Variants in CTNNA2 observed in about 807,000 individuals in gnomAD.
CTNNA2 encodes catenin alpha-2.
In CTNNA2, 42 loss-of-function variants were observed where a neutral mutation model predicts 101.0. The ratio of observed to expected loss-of-function variants is 0.42; its 90% CI spans 0.32 to 0.54. The LOEUF (loss-of-function observed/expected upper bound fraction) is 0.54. Among genes scored for constraint, CTNNA2 ranks in the 20% least tolerant of loss-of-function variants. The pLI, the probability that CTNNA2 is intolerant of heterozygous loss-of-function variation, is 0.14. For missense variants in CTNNA2, 871 were observed against 1,223.1 expected (o/e 0.71, Z 4.29); for synonymous variants, 450 against 456.4 (o/e 0.99, Z 0.18).
At chr2:79,778,688 C>T (rs1467567607) in intron 3 of CTNNA2, among the ~76,000 whole-genome samples, 1 of 152,104 alleles carries the variant, frequency 6.6e-6, no homozygotes, top group Non-Finnish European at 1.5e-5. Context: ...TAATTGCATC[C>T]ATGTTAATAT....
intron 2 of CTNNA2, among the ~76,000 whole-genome samples, chr2:79,281,088 G>GCA (rs1461752513): frequency 2.0e-5 from 3 of 151,918 alleles, no homozygotes; most frequent in Admixed American, 1.3e-4. Flanking sequence ...AGCATCATTA[G>GCA]CACACACATC....
chr2:79,665,827 T>TTAGTTAGTTA (rs1682378971), intron 2 of CTNNA2, among the ~76,000 whole-genome samples: 1 of 152,192 alleles, frequency 6.6e-6, no homozygotes, highest in Non-Finnish European at 1.5e-5. Flanking sequence ...TCCTGGAACA[T>TTAGTTAGTTA]GTTAGTTAAA....
chr2:80,526,860 A>G (rs1216846695), intron 9 of CTNNA2, among the ~76,000 whole-genome samples: 3 of 152,200 alleles, frequency 2.0e-5, no homozygotes, highest in Non-Finnish European at 4.4e-5. Flanking sequence ...GGTATCCAGG[A>G]TTTCCTTGAA....
chr2:80,186,890 C>T (rs930542450), intron 7 of CTNNA2, among the ~76,000 whole-genome samples: 1 of 152,202 alleles, frequency 6.6e-6, no homozygotes, highest in African/African-American at 2.4e-5. Flanking sequence ...AATCAACTCA[C>T]CAGAAATCTG....
At chr2:80,153,513 G>A (rs1442980334) in intron 7 of CTNNA2, among the ~76,000 whole-genome samples, 1 of 152,126 alleles carries the variant, frequency 6.6e-6, no homozygotes, top group Non-Finnish European at 1.5e-5. Flanking sequence ...GGAAGGATCT[G>A]GCTTTTCCTG....
At chr2:79,970,743 G>T (rs1690419039) in intron 7 of CTNNA2, among the ~76,000 whole-genome samples, 1 of 152,082 alleles carries the variant, frequency 6.6e-6, no homozygotes, top group African/African-American at 2.4e-5. Context: ...TTACTGTGAG[G>T]AAAGCAATTT....
intron 13 of CTNNA2, among the ~76,000 whole-genome samples, chr2:80,574,887 A>C (rs891594477): frequency 6.6e-6 from 1 of 152,142 alleles, no homozygotes; most frequent in Non-Finnish European, 1.5e-5. Context: ...ATGTTGTCTA[A>C]ATAATTAATA....
At chr2:79,982,552 T>G (rs72813747) in intron 7 of CTNNA2, among the ~76,000 whole-genome samples, 1 of 145,852 alleles carries the variant, frequency 6.9e-6, no homozygotes, top group Non-Finnish European at 1.5e-5. Context: ...GGTCTCTCCA[T>G]GTTGCCCAGT....
intron 7 of CTNNA2, among the ~76,000 whole-genome samples, chr2:79,938,632 A>G (rs561082989): frequency 2.0e-5 from 3 of 152,354 alleles, no homozygotes; most frequent in Admixed American, 1.3e-4. Context: ...CACTTTTTGC[A>G]TAAAGACAAA....
At chr2:79,683,809 C>T (rs753965744) in intron 2 of CTNNA2, among the ~76,000 whole-genome samples, 11 of 152,194 alleles carry the variant, frequency 7.2e-5, no homozygotes, top group Non-Finnish European at 1.6e-4. Flanking sequence ...GCAAAGGCAA[C>T]CAAGTCTATG....
chr2:79,382,905 C>T (rs1294339471), intron 4 of CTNNA2, among the ~76,000 whole-genome samples: 10 of 152,306 alleles, frequency 6.6e-5, no homozygotes, highest in South Asian at 2.1e-4. Context: ...TGAGCCACCA[C>T]GCCCAGCCAT....
At chr2:79,303,666 G>A (rs1676166572) in intron 2 of CTNNA2, among the ~76,000 whole-genome samples, 1 of 151,992 alleles carries the variant, frequency 6.6e-6, no homozygotes, top group South Asian at 2.1e-4. Flanking sequence ...GATGAGGAAA[G>A]GGTTAGGTTC....
intron 7 of CTNNA2, among the ~76,000 whole-genome samples, chr2:79,914,040 G>A (rs956867397): frequency 2.0e-5 from 3 of 150,434 alleles, no homozygotes; most frequent in African/African-American, 2.4e-5. Context: ...AGTGGCGGGC[G>A]CCTGTGGTCC....
chr2:80,638,330 G>T (rs1012650454), intron 18 of CTNNA2, among the ~76,000 whole-genome samples: 1 of 152,154 alleles, frequency 6.6e-6, no homozygotes, highest in Non-Finnish European at 1.5e-5. Context: ...ATTATGGGGG[G>T]GGTGCCTGAA....
chr2:80,446,319 A>C (rs1315040765), intron 9 of CTNNA2, among the ~76,000 whole-genome samples: 1 of 152,212 alleles, frequency 6.6e-6, no homozygotes, highest in Non-Finnish European at 1.5e-5. Flanking sequence ...AAAGCTATCC[A>C]GATGAGTATG....
chr2:79,568,994 C>T (rs1405032813), intron 1 of CTNNA2, among the ~76,000 whole-genome samples: 2 of 151,830 alleles, frequency 1.3e-5, no homozygotes, highest in African/African-American at 4.8e-5. Flanking sequence ...AGATCATACC[C>T]CTGCACTACA....
At chr2:79,249,389 T>A (rs968178137) in intron 2 of CTNNA2, among the ~76,000 whole-genome samples, 1 of 144,500 alleles carries the variant, frequency 6.9e-6, no homozygotes, top group Non-Finnish European at 1.5e-5. Flanking sequence ...TTAGTTCTCA[T>A]TGGAGCCAGG....
chr2:80,412,792 T>C (rs1345392498), intron 8 of CTNNA2, among the ~76,000 whole-genome samples: 1 of 152,082 alleles, frequency 6.6e-6, no homozygotes, highest in Non-Finnish European at 1.5e-5. Flanking sequence ...GACTCAGTCA[T>C]GGTCAATAGG....
At position 80,369,273 on chromosome 2, in the gene CTNNA2, A is replaced by G. The variant is rs114918530; in HGVS notation, c.1057-23938A>G. ...TATATTTCTCCCCCACCATTTTCAT[A>G]TATCTAAACGTTTAGAAAGGACACT... On this transcript the variant is annotated intron_variant, in intron 7 of 18. Coordinates refer to ENST00000402739, the MANE Select transcript of CTNNA2 (RefSeq NM_001282597.3). Among the ~76,000 whole-genome samples the G allele has an allele frequency of 8.8e-3, 1,335 of 152,202 alleles. 18 individuals are homozygous for G. Among genetic ancestry groups the G allele is most frequent in the African/African-American group, 0.03 (1,259 of 41,538 alleles).
Sources: gnomAD v4.1 joint callset for allele counts (sites outside exome capture counted in the v4.1 genomes callset) on GRCh38, gnomAD v4.1.1 for gene constraint, MANE v1.5 for transcripts, NCBI Gene and HGNC (gene_info 2026-07-23, HGNC 2026-07-21) for gene names.